Variants in SGCZ observed in about 807,000 individuals in gnomAD.
SGCZ encodes zeta-sarcoglycan.
Under a neutral mutation model 41.3 loss-of-function variants are expected in SGCZ, and 40 were observed. The ratio of observed to expected loss-of-function variants is 0.97; its 90% CI spans 0.75 to 1.26. The LOEUF is 1.26. SGCZ is among the 50% of genes most tolerant of loss of function. The pLI is 0.00. For missense variants in SGCZ, 552 were observed against 369.8 expected, an observed-to-expected ratio of 1.49 and a Z score of -4.04; for synonymous variants, 206 against 137.5, an observed-to-expected ratio of 1.50 and a Z score of -3.49.
chr8:14,318,563 T>G (rs1379497015), intron 3 of SGCZ, among the ~76,000 whole-genome samples: 1 of 151,378 alleles, frequency 6.6e-6, no homozygotes, highest in Non-Finnish European at 1.5e-5. Flanking sequence ...ACATAGAGAG[T>G]GCTAGAAAAA....
chr8:14,578,836 T>C (rs1804796422), intron 1 of SGCZ, among the ~76,000 whole-genome samples: 1 of 152,198 alleles, frequency 6.6e-6, no homozygotes, highest in Non-Finnish European at 1.5e-5. Context: ...ATTAGATATG[T>C]AAAACTTAAT....
intron 2 of SGCZ, among the ~76,000 whole-genome samples, chr8:14,460,477 G>A (rs1479817503): frequency 6.6e-6 from 1 of 152,132 alleles, no homozygotes; most frequent in African/African-American, 2.4e-5. Flanking sequence ...TGCAGGGTAT[G>A]GAAAGGCAGT....
chr8:14,775,320 G>C (rs1372663630), intron 1 of SGCZ, among the ~76,000 whole-genome samples: 1 of 152,088 alleles, frequency 6.6e-6, no homozygotes, highest in Non-Finnish European at 1.5e-5. Flanking sequence ...GTAATATTGA[G>C]CAACTGCAGA....
At chr8:14,473,635 A>C (rs1397103973) in intron 2 of SGCZ, among the ~76,000 whole-genome samples, 2 of 152,162 alleles carry the variant, frequency 1.3e-5, no homozygotes, top group East Asian at 3.9e-4. Context: ...ATATGTCAAC[A>C]GAAGTAAAAA....
intron 1 of SGCZ, among the ~76,000 whole-genome samples, chr8:14,859,251 C>A (rs940249981): frequency 6.6e-6 from 1 of 152,022 alleles, no homozygotes; most frequent in Admixed American, 6.6e-5. Flanking sequence ...ACTGCTTTAT[C>A]AAGGATATTC....
chr8:14,671,680 C>A (rs1054826077), intron 1 of SGCZ, among the ~76,000 whole-genome samples: 3 of 152,016 alleles, frequency 2.0e-5, no homozygotes, highest in Non-Finnish European at 4.4e-5. Flanking sequence ...AACATTCAAA[C>A]CATGCATTTT....
At chr8:15,236,385 A>G (rs575361572) in intron 1 of SGCZ, among the ~76,000 whole-genome samples, 8 of 151,366 alleles carry the variant, frequency 5.3e-5, no homozygotes, top group African/African-American at 2.0e-4. Flanking sequence ...TGTCGGATAA[A>G]CCCATTTCCT....
At chr8:14,996,454 T>A (rs1490482061) in intron 1 of SGCZ, among the ~76,000 whole-genome samples, 1 of 151,952 alleles carries the variant, frequency 6.6e-6, no homozygotes, top group Non-Finnish European at 1.5e-5. Context: ...CAGGCTGGAG[T>A]GTAATGGTGC....
intron 2 of SGCZ, among the ~76,000 whole-genome samples, chr8:14,335,807 G>T (rs1348447485): frequency 6.6e-6 from 1 of 152,014 alleles, no homozygotes; most frequent in Non-Finnish European, 1.5e-5. Flanking sequence ...GTCTCTATTT[G>T]TTTGTGTGTC....
intron 1 of SGCZ, among the ~76,000 whole-genome samples, chr8:15,023,261 C>G (rs896226554): frequency 6.6e-6 from 1 of 152,154 alleles, no homozygotes; most frequent in Non-Finnish European, 1.5e-5. Context: ...GATTGACTAT[C>G]ATGGTGGCTC....
intron 1 of SGCZ, among the ~76,000 whole-genome samples, chr8:14,770,595 C>G (rs1382171836): frequency 6.6e-6 from 1 of 151,910 alleles, no homozygotes; most frequent in African/African-American, 2.4e-5. Context: ...TTTTTATGTT[C>G]TCACAATTTG....
chr8:14,920,187 G>A (rs1799549684), intron 1 of SGCZ, among the ~76,000 whole-genome samples: 1 of 152,088 alleles, frequency 6.6e-6, no homozygotes, highest in African/African-American at 2.4e-5. Context: ...ACACTGTGGA[G>A]GGCTGGGATT....
intron 2 of SGCZ, among the ~76,000 whole-genome samples, chr8:14,355,791 A>G (rs965525012): frequency 3.9e-5 from 6 of 152,080 alleles, no homozygotes; most frequent in African/African-American, 1.4e-4. Context: ...CCAAGGAAAT[A>G]GGCATATTAA....
intron 2 of SGCZ, among the ~76,000 whole-genome samples, chr8:14,384,087 G>A (rs34727251): frequency 0.19 from 29,392 of 151,608 alleles, 3,593 homozygotes; most frequent in Non-Finnish European, 0.28. Flanking sequence ...TTAGCATTAG[G>A]TATGTCTCCT....
chr8:14,826,957 T>G (rs1164351558), intron 1 of SGCZ, among the ~76,000 whole-genome samples: 1 of 152,164 alleles, frequency 6.6e-6, no homozygotes. Context: ...CATTTGTCAA[T>G]TTTGGCTTTT....
intron 3 of SGCZ, among the ~76,000 whole-genome samples, chr8:14,297,908 G>T (rs1034843059): frequency 1.3e-5 from 2 of 151,662 alleles, no homozygotes; most frequent in African/African-American, 4.8e-5. Context: ...AGAATGAATG[G>T]TGATAATACA....
In SGCZ at chr8:14,551,497, ATTATATATATT is replaced by A. The variant is rs1803827124; in HGVS notation, c.234+3224_234+3234del. Among the ~76,000 whole-genome samples the A allele has an allele frequency of 3.7e-3, 21 of 5,630 alleles. 1 individual carries two copies. Among genetic ancestry groups the A allele is most frequent in the Non-Finnish European group, 5.2e-3 (18 of 3,486 alleles). The allele number at this position is 5,630 out of a possible 152,430, so 3.7% of individuals were successfully genotyped here. Reference sequence around the variant, plus strand: ...ATTATATATTATATATATTATATATATTATATATATTATATATATTATATATAATATATATA... The same window carrying A: ...ATTATATATTATATATATTATATATAATATATATTATATATAATATATATA... On this transcript the variant is annotated intron_variant, in intron 2 of 7. Coordinates refer to ENST00000382080, the MANE Select transcript of SGCZ (RefSeq NM_139167.4).
chr8:14,614,862 G>A (rs771572881), intron 1 of SGCZ, among the ~76,000 whole-genome samples: 1 of 152,046 alleles, frequency 6.6e-6, no homozygotes. Flanking sequence ...TATATGTAAT[G>A]TTGATGACTA....
chr8:14,379,112 C>T (rs1804259858), intron 2 of SGCZ, among the ~76,000 whole-genome samples: 1 of 151,982 alleles, frequency 6.6e-6, no homozygotes, highest in South Asian at 2.1e-4. Flanking sequence ...ATAATTCTTC[C>T]TGAGGTATCA....
Sources: gnomAD v4.1 joint callset for allele counts (sites outside exome capture counted in the v4.1 genomes callset) on GRCh38, gnomAD v4.1.1 for gene constraint, MANE v1.5 for transcripts, NCBI Gene and HGNC (gene_info 2026-07-23, HGNC 2026-07-21) for gene names.